RASAL2: variants seen among roughly 807,000 people sequenced by gnomAD.
RASAL2 encodes RAS protein activator like 2, also known as ras GTPase-activating protein nGAP.
A neutral mutation model predicts 128.9 loss-of-function variants in RASAL2; 58 were observed. That is an observed-to-expected ratio of 0.45 (90% CI 0.36 to 0.56). RASAL2 has a LOEUF of 0.56. Ranked by LOEUF, RASAL2 falls within the 20% of genes least tolerant of loss-of-function variation. The probability of loss-of-function intolerance (pLI) is 0.00; values close to 1 mark genes in which losing one functional copy is unlikely to be tolerated. For missense variants in RASAL2, 1,360 were observed against 1,601.6 expected, an observed-to-expected ratio of 0.85 and a Z score of 2.57; for synonymous variants, 561 against 580.8, an observed-to-expected ratio of 0.97 and a Z score of 0.49.
At chr1:178,189,665 T>C (rs903803230) in intron 1 of RASAL2, among the ~76,000 whole-genome samples, 1 of 152,150 alleles carries the variant, frequency 6.6e-6, no homozygotes, top group Non-Finnish European at 1.5e-5. Flanking sequence ...TAATCAAATC[T>C]GAAAATAATC....
At chr1:178,428,973 T>A (rs1254577778) in intron 5 of RASAL2, among the ~76,000 whole-genome samples, 1 of 152,104 alleles carries the variant, frequency 6.6e-6, no homozygotes, top group Non-Finnish European at 1.5e-5. Context: ...GATAACAAAG[T>A]CTATCTTAGC....
chr1:178,470,303 C>T (rs1648132839), intron 17 of RASAL2, among the ~76,000 whole-genome samples: 1 of 152,158 alleles, frequency 6.6e-6, no homozygotes, highest in Non-Finnish European at 1.5e-5. Flanking sequence ...TCTCAGCAGC[C>T]CTGTGCTCCC....
rs764907368 is a variant in RASAL2, at chr1:178,458,010, C to G, written c.2718C>G (p.Pro906=). The G allele has an allele frequency of 1.2e-6, 2 of 1,614,104 alleles. No homozygotes were observed. The highest frequency in any genetic ancestry group is 1.7e-6 in the Non-Finnish European group (2 of 1,180,010). The change falls in exon 14 of 18, where the codon CCC becomes CCG. Residue 906 remains proline, a synonymous_variant. Coordinates refer to ENST00000367649, the MANE Select transcript of RASAL2 (RefSeq NM_170692.4). ...TPQSAPQVRR[P]LHPALNQPGG... is the part of the protein sequence containing the mutation. ...AAAGTGCACCCCAAGTGAGAAGGCCCCTGCACCCAGCCTTGAACCAGCCAG... is the reference window on the plus strand; with the variant it reads ...AAAGTGCACCCCAAGTGAGAAGGCCGCTGCACCCAGCCTTGAACCAGCCAG...
At chr1:178,262,795 AT>A (rs34832691) in intron 1 of RASAL2, among the ~76,000 whole-genome samples, 14,309 of 133,100 alleles carry the variant, frequency 0.11, 1,079 homozygotes, top group African/African-American at 0.24. Flanking sequence ...CCCCCCACTC[AT>A]TTTTTTTTTT....
At chr1:178,332,594 G>GA (rs1167556766) in intron 3 of RASAL2, among the ~76,000 whole-genome samples, 1 of 149,758 alleles carries the variant, frequency 6.7e-6, no homozygotes, top group Non-Finnish European at 1.5e-5. Flanking sequence ...GTATGAGGGA[G>GA]AAAAAATTGT....
At position 178,478,347 on chromosome 1, in the gene RASAL2, AT is replaced by A. The variant is rs1229716066; in HGVS notation, c.*5110del. ...CAGTTCAACAAAAGGTTAAATACTA[AT>A]TGACTCAATGACCACCTTCAGGAAA... is the stretch of plus-strand genomic sequence containing the variant. On this transcript the variant is annotated 3_prime_UTR_variant, in exon 18 of 18. Transcript: ENST00000367649. The A allele has an allele frequency of 1.3e-5, 2 of 152,222 alleles. No individual in the cohort carries two copies. Among genetic ancestry groups the A allele is most frequent in the Non-Finnish European group, 2.9e-5 (2 of 68,034 alleles). The allele number at this position is 152,222 out of a possible 1,614,324, so 9.4% of individuals were successfully genotyped here.
intron 1 of RASAL2, among the ~76,000 whole-genome samples, chr1:178,198,326 T>C (rs1324946751): frequency 6.6e-6 from 1 of 152,200 alleles, no homozygotes; most frequent in African/African-American, 2.4e-5. Flanking sequence ...ACCAAAAGTG[T>C]AAAAGCATTC....
chr1:178,466,226 TGTG>T, intron 16 of RASAL2, 104 bp downstream of exon 16: 1 of 1,117,032 alleles, frequency 9.0e-7, no homozygotes, highest in Admixed American at 3.1e-5. Context: ...TTTTTATCCT[TGTG>T]GTACTGAGTA....
chr1:178,195,129 A>C (rs947636035), intron 1 of RASAL2, among the ~76,000 whole-genome samples: 8 of 152,230 alleles, frequency 5.3e-5, no homozygotes, highest in Non-Finnish European at 1.2e-4. Context: ...ATATTTGAGT[A>C]AAGTGGGGCT....
At chr1:178,095,367 G>A (rs901921247) in intron 1 of RASAL2, among the ~76,000 whole-genome samples, 6 of 152,286 alleles carry the variant, frequency 3.9e-5, no homozygotes, top group African/African-American at 1.4e-4. Context: ...ACTGAATGAT[G>A]AGATTCTATT....
At chr1:178,438,878 A>ACT (rs1448543016) in intron 5 of RASAL2, among the ~76,000 whole-genome samples, 2,942 of 71,364 alleles carry the variant, frequency 0.041, 122 homozygotes, top group African/African-American at 0.12. Context: ...TTGAGCTTCG[A>ACT]CTCTGTGTGT....
At chr1:178,271,652 T>A (rs1666263074) in intron 1 of RASAL2, among the ~76,000 whole-genome samples, 1 of 152,202 alleles carries the variant, frequency 6.6e-6, no homozygotes, top group Non-Finnish European at 1.5e-5. Context: ...TTGTTCTTCT[T>A]TCAGAATTCC....
At chr1:178,259,316 A>G (rs1284938627) in intron 1 of RASAL2, among the ~76,000 whole-genome samples, 19 of 151,268 alleles carry the variant, frequency 1.3e-4, no homozygotes, top group Non-Finnish European at 1.5e-5. Flanking sequence ...TATTTTTAGT[A>G]GAGACGGGGT....
intron 1 of RASAL2, among the ~76,000 whole-genome samples, chr1:178,192,367 A>C (rs1213184519): frequency 6.6e-6 from 1 of 152,242 alleles, no homozygotes; most frequent in Non-Finnish European, 1.5e-5. Flanking sequence ...AAAATGCATT[A>C]GGTAGAAGTG....
At chr1:178,402,710 C>T (rs1673723402) in intron 4 of RASAL2, among the ~76,000 whole-genome samples, 1 of 152,022 alleles carries the variant, frequency 6.6e-6, no homozygotes, top group African/African-American at 2.4e-5. Flanking sequence ...ATTTTTGGTA[C>T]ATTTTGTTTC....
chr1:178,461,439 T>G (rs1324751089), intron 14 of RASAL2, among the ~76,000 whole-genome samples: 1 of 152,178 alleles, frequency 6.6e-6, no homozygotes, highest in African/African-American at 2.4e-5. Context: ...GTGAAAAAAT[T>G]CACAGATAAA....
At chr1:178,213,429 T>G (rs1207787533) in intron 1 of RASAL2, among the ~76,000 whole-genome samples, 1 of 152,138 alleles carries the variant, frequency 6.6e-6, no homozygotes, top group East Asian at 1.9e-4. Flanking sequence ...AGTGTAGACA[T>G]CTACCAAAAG....
intron 1 of RASAL2, among the ~76,000 whole-genome samples, chr1:178,233,367 G>A (rs931073433): frequency 2.0e-5 from 3 of 152,198 alleles, no homozygotes; most frequent in Admixed American, 6.5e-5. Flanking sequence ...TGCTTATGCA[G>A]ATTCAGAGAT....
intron 1 of RASAL2, among the ~76,000 whole-genome samples, chr1:178,207,278 A>T (rs988950356): frequency 1.3e-5 from 2 of 152,220 alleles, no homozygotes; most frequent in Non-Finnish European, 2.9e-5. Context: ...ATGGGAAAAA[A>T]TAAATACAGT....
Sources: allele counts gnomAD v4.1 joint callset (sites outside exome capture counted in the v4.1 genomes callset), GRCh38; gene constraint gnomAD v4.1.1; transcripts MANE v1.5; gene names NCBI Gene and HGNC (gene_info 2026-07-23, HGNC 2026-07-21).